Variants in MTA3 observed in about 807,000 individuals in gnomAD.
MTA3 encodes metastasis associated 1 family member 3.
In MTA3, 34 loss-of-function variants were observed where a neutral mutation model predicts 83.5. The ratio of observed to expected loss-of-function variants is 0.41; its 90% CI spans 0.31 to 0.54. The LOEUF is 0.54. Ranked by LOEUF, MTA3 falls within the 20% of genes least tolerant of loss-of-function variation. The pLI, the probability that MTA3 is intolerant of heterozygous loss-of-function variation, is 0.33. For missense variants in MTA3, 761 were observed against 726.4 expected, an observed-to-expected ratio of 1.05 and a Z score of -0.55; for synonymous variants, 303 against 252.7, an observed-to-expected ratio of 1.20 and a Z score of -1.89.
chr2:42,494,336 T>A (rs1031957484), upstream of MTA3, among the ~76,000 whole-genome samples: 3 of 152,130 alleles, frequency 2.0e-5, no homozygotes, highest in African/African-American at 7.2e-5. Context: ...GGGCCCCTTT[T>A]AACAGCCCTG....
chr2:42,539,828 C>T (rs977971020), intron 2 of MTA3, among the ~76,000 whole-genome samples: 1 of 152,012 alleles, frequency 6.6e-6, no homozygotes, highest in Admixed American at 6.6e-5. Flanking sequence ...CCTCCTTGAC[C>T]TCACAAGGTG....
intron 3 of MTA3, among the ~76,000 whole-genome samples, chr2:42,588,042 A>G (rs915427875): frequency 3.9e-5 from 6 of 152,128 alleles, no homozygotes; most frequent in Admixed American, 1.3e-4. Context: ...TTGGATTTTT[A>G]TAATAATAGT....
upstream of MTA3, among the ~76,000 whole-genome samples, chr2:42,567,443 C>T (rs1388970420): frequency 6.6e-6 from 1 of 152,168 alleles, no homozygotes; most frequent in Non-Finnish European, 1.5e-5. Flanking sequence ...CTGGGGGCAC[C>T]TCTTAGCCCC....
intron 2 of MTA3, chr2:42,533,520 C>CTT (rs763768263): frequency 1.0e-4 from 13 of 128,602 alleles, no homozygotes; most frequent in South Asian, 2.5e-4. Context: ...CTTTTCTTTT[C>CTT]TTTTTTTTTT....
intron 16 of MTA3, among the ~76,000 whole-genome samples, chr2:42,739,780 T>C (rs1043179206): frequency 5.9e-5 from 9 of 152,220 alleles, no homozygotes; most frequent in African/African-American, 2.2e-4. Flanking sequence ...GTCCTTTATT[T>C]TCATCTCAAC....
chr2:42,620,621 T>C (rs1160422589), intron 4 of MTA3, among the ~76,000 whole-genome samples: 3 of 152,186 alleles, frequency 2.0e-5, no homozygotes, highest in Middle Eastern at 3.2e-3. Flanking sequence ...GCCTCCCAAT[T>C]AGCTTGGACC....
At chr2:42,636,540 T>TCAAAA (rs749095521) in intron 4 of MTA3, among the ~76,000 whole-genome samples, 84 of 150,182 alleles carry the variant, frequency 5.6e-4, no homozygotes, top group Middle Eastern at 3.4e-3. Context: ...AGACCCTTTC[T>TCAAAA]CAAAACAAAA....
chr2:42,677,496 C>T (rs1235903187), intron 8 of MTA3, among the ~76,000 whole-genome samples: 1 of 152,090 alleles, frequency 6.6e-6, no homozygotes, highest in African/African-American at 2.4e-5. Flanking sequence ...GCATGTGCCA[C>T]CATGCCTGGC....
chr2:42,660,337 T>C (rs1031532228), intron 8 of MTA3, among the ~76,000 whole-genome samples: 2 of 152,220 alleles, frequency 1.3e-5, no homozygotes, highest in African/African-American at 4.8e-5. Context: ...TCCACCCGCC[T>C]CGGCCTTCCG....
chr2:42,505,538 A>G (rs1048674762), intron 2 of MTA3, among the ~76,000 whole-genome samples: 1 of 151,756 alleles, frequency 6.6e-6, no homozygotes, highest in African/African-American at 2.4e-5. Flanking sequence ...CCTCTCTACC[A>G]AGCACTAAGC....
chr2:42,620,770 G>A (rs933206991), intron 4 of MTA3, among the ~76,000 whole-genome samples: 1 of 152,128 alleles, frequency 6.6e-6, no homozygotes. Flanking sequence ...TTGGGATTAC[G>A]GGGATGAGCC....
chr2:42,506,148 A>G (rs900132703), intron 2 of MTA3, among the ~76,000 whole-genome samples: 13 of 152,118 alleles, frequency 8.5e-5, no homozygotes, highest in African/African-American at 2.9e-4. Context: ...GAAATTATCC[A>G]TAATAAAAAA....
chr2:42,685,032 T>C (rs564257858), intron 9 of MTA3, among the ~76,000 whole-genome samples: 99 of 152,190 alleles, frequency 6.5e-4, no homozygotes, highest in African/African-American at 2.2e-3. Context: ...CTCTAATAGG[T>C]AAAGAGAGAA....
At chr2:42,616,473 C>T (rs1684903654) in intron 4 of MTA3, among the ~76,000 whole-genome samples, 4 of 146,500 alleles carry the variant, frequency 2.7e-5, no homozygotes, top group Non-Finnish European at 6.0e-5. Flanking sequence ...TACAGCCATT[C>T]AGGATTTGAA....
At chr2:42,577,371 C>G (rs558619005) in intron 2 of MTA3, among the ~76,000 whole-genome samples, 1 of 151,652 alleles carries the variant, frequency 6.6e-6, no homozygotes, top group South Asian at 2.1e-4. Context: ...AACTATGCTC[C>G]CCGCCCCCTA....
intron 3 of MTA3, among the ~76,000 whole-genome samples, chr2:42,598,114 C>T (rs1682062260): frequency 6.6e-6 from 1 of 151,790 alleles, no homozygotes; most frequent in Admixed American, 6.6e-5. Context: ...GCTCTGTTGC[C>T]CAGGCCGGAG....
At chr2:42,640,784 GT>G (rs1687625861) in intron 5 of MTA3, among the ~76,000 whole-genome samples, 1 of 152,170 alleles carries the variant, frequency 6.6e-6, no homozygotes, top group South Asian at 2.1e-4. Context: ...GGTATGCATA[GT>G]TTTAGGTGAC....
intron 4 of MTA3, among the ~76,000 whole-genome samples, chr2:42,610,533 C>T (rs1429214907): frequency 2.0e-5 from 3 of 152,116 alleles, no homozygotes; most frequent in Non-Finnish European, 4.4e-5. Flanking sequence ...AAAAACCTAG[C>T]CCCTTGTTTG....
In MTA3 at chr2:42,535,114, C is replaced by T. The variant is rs140816125; in HGVS notation, c.-140-35323C>T. 9.4e-3 allele frequency among the ~76,000 whole-genome samples: 1,423 copies of T among 152,046 alleles called. 9 individuals carry two copies. The highest frequency in any genetic ancestry group is 0.042 in the East Asian group (216 of 5,124). Reference sequence around the variant, plus strand: ...AATAAGACCCAGTACAGGCTGGGCGCGGTGGCTCACGCCTGTAATCCCAGC... The same window carrying T: ...AATAAGACCCAGTACAGGCTGGGCGTGGTGGCTCACGCCTGTAATCCCAGC... On this transcript the variant is annotated intron_variant, in intron 2 of 17. Coordinates refer to the MTA3 transcript ENST00000405592.
Sources: gnomAD v4.1 joint callset for allele counts (sites outside exome capture counted in the v4.1 genomes callset) on GRCh38, gnomAD v4.1.1 for gene constraint, MANE v1.5 for transcripts, NCBI Gene and HGNC (gene_info 2026-07-23, HGNC 2026-07-21) for gene names.